CDCA7L: variants seen among roughly 807,000 people sequenced by gnomAD.
CDCA7L encodes the protein cell division cycle-associated 7-like protein.
In CDCA7L, 44 loss-of-function variants were observed where a neutral mutation model predicts 57.4. The observed-to-expected ratio is 0.77, with a 90% CI of 0.60 to 0.98. The LOEUF (loss-of-function observed/expected upper bound fraction) is 0.98, where lower values mean the gene tolerates loss of function less well. CDCA7L is among the 50% of genes least tolerant of loss of function. CDCA7L has a pLI of 0.00. For synonymous variants in CDCA7L, 236 were observed against 202.8 expected, an observed-to-expected ratio of 1.16 and a Z score of -1.39; for missense variants, 644 against 580.6, an observed-to-expected ratio of 1.11 and a Z score of -1.12.
intron 6 of CDCA7L, 66 bp downstream of exon 6, chr7:21,906,223 G>A (rs926134535): frequency 3.9e-5 from 57 of 1,467,306 alleles, no homozygotes; most frequent in East Asian, 9.2e-5. Context: ...TGACAGTGAC[G>A]TGCGTTCACG....
At chr7:21,942,201 T>C (rs1786361869) in intron 1 of CDCA7L, among the ~76,000 whole-genome samples, 2 of 152,228 alleles carry the variant, frequency 1.3e-5, no homozygotes, top group Admixed American at 1.3e-4. Flanking sequence ...AACGATTTAT[T>C]TGAACTAAAG....
At chr7:21,940,381 C>T in intron 1 of CDCA7L, 3 of 798,624 alleles carry the variant, frequency 3.8e-6, no homozygotes, top group Non-Finnish European at 4.6e-6. Flanking sequence ...TACTACTTTG[C>T]CCTTCCATCC....
chr7:21,904,962 T>G (rs1785091260), intron 7 of CDCA7L, among the ~76,000 whole-genome samples: 1 of 152,240 alleles, frequency 6.6e-6, no homozygotes, highest in Non-Finnish European at 1.5e-5. Flanking sequence ...GGCCCCAGCC[T>G]AGCTCTGCAG....
chr7:21,929,631 CAAAAAA>C lies in CDCA7L; in HGVS notation c.25-12743_25-12738del, dbSNP rs57283961. ...GGAATATTATCCAGCAAATGGAAAG[CAAAAAA>C]AAAAAAAAAAAAAAAAAAAGCAGGG... On this transcript the variant is annotated intron_variant, in intron 1 of 9. Transcript: ENST00000406877. 9.3e-3 allele frequency among the ~76,000 whole-genome samples: 332 copies of C among 35,534 alleles called. 3 individuals are homozygous for C. Among genetic ancestry groups the C allele is most frequent in the East Asian group, 0.074 (87 of 1,168 alleles). 23.3% of individuals were successfully genotyped at this position (35,534 alleles called of 152,430 possible).
rs1784777264 is a variant in CDCA7L at position 21,900,901 on chromosome 7, T to C, written c.*1421A>G. 10 of 1,474,954 alleles carry C rather than the reference T, an allele frequency of 6.8e-6. No homozygotes were observed. The highest frequency in any genetic ancestry group is 9.0e-6 in the Non-Finnish European group (10 of 1,112,682). The allele number at this position is 1,474,954 out of a possible 1,614,324, so 91.4% of individuals were successfully genotyped here. A position where few individuals can be genotyped will look rare whatever the true frequency, so the allele number is the denominator to read the frequency against. On this transcript the variant is annotated 3_prime_UTR_variant, in exon 10 of 10. Transcript: ENST00000406877. The stretch of plus-strand genomic sequence containing the variant: ...AAAATACCACTGACAAGCAAAAATA[T>C]GACAAAACCAGAATGTTGAATGTTT...
chr7:21,902,888 CGGGAAGGCAA>C, intron 9 of CDCA7L, 80 bp downstream of exon 9: 1 of 1,251,170 alleles, frequency 8.0e-7, no homozygotes, highest in South Asian at 1.4e-5. Context: ...GTAAGTCACA[CGGGAAGGCAA>C]CAACTACTTG....
Position 21,914,566 on chromosome 7 carries a change from TGGGCAGAAA to T in CDCA7L, c.165+2179_165+2187del, listed in dbSNP as rs372552007. Among the ~76,000 whole-genome samples the T allele has an allele frequency of 2.3e-3, 353 of 152,242 alleles. 1 individual carries two copies. The highest frequency in any genetic ancestry group is 7.9e-3 in the African/African-American group (328 of 41,534). ...GATAGGCAGGAACAGCATGGACCAG[TGGGCAGAAA>T]GGGCAGAACAGTGGATAATGAGAGT... is the stretch of plus-strand genomic sequence containing the variant. On this transcript the variant is annotated intron_variant, in intron 2 of 9. Transcript: ENST00000406877.
intron 1 of CDCA7L, among the ~76,000 whole-genome samples, chr7:21,938,305 A>T (rs1303155758): frequency 6.6e-6 from 1 of 152,208 alleles, no homozygotes; most frequent in Admixed American, 6.5e-5. Context: ...AATTCTTAAC[A>T]TCACTAATCA....
At chr7:21,932,860 C>T (rs1410532792) in intron 1 of CDCA7L, among the ~76,000 whole-genome samples, 1 of 151,760 alleles carries the variant, frequency 6.6e-6, no homozygotes, top group East Asian at 1.9e-4. Context: ...TCAGAGTGAA[C>T]AGGCAACTTA....
chr7:21,911,493 G>T, intron 3 of CDCA7L, 124 bp downstream of exon 3: 1 of 1,217,540 alleles, frequency 8.2e-7, no homozygotes, highest in Non-Finnish European at 1.1e-6. Context: ...TATGTTAATT[G>T]CTTGTAAGAT....
At chr7:21,913,918 G>A (rs1785405487) in intron 2 of CDCA7L, among the ~76,000 whole-genome samples, 1 of 152,186 alleles carries the variant, frequency 6.6e-6, no homozygotes. Context: ...GGGTCTGTAT[G>A]ATGCCAATCT....
intron 1 of CDCA7L, among the ~76,000 whole-genome samples, chr7:21,939,543 T>G (rs1216510386): frequency 6.6e-6 from 1 of 152,154 alleles, no homozygotes; most frequent in African/African-American, 2.4e-5. Flanking sequence ...TGAAGTAATT[T>G]CCTCCTCCAG....
intron 1 of CDCA7L, among the ~76,000 whole-genome samples, chr7:21,936,060 G>A (rs541904421): frequency 7.6e-4 from 116 of 152,066 alleles, no homozygotes; most frequent in Middle Eastern, 3.4e-3. Context: ...ATAAACAACC[G>A]TATGCCAACA....
chr7:21,944,276 TAAAA>T (rs34883298), intron 1 of CDCA7L, among the ~76,000 whole-genome samples: 1 of 135,360 alleles, frequency 7.4e-6, no homozygotes, highest in Non-Finnish European at 1.6e-5. Flanking sequence ...CTGTCTCTAC[TAAAA>T]AAAAAAAAAA....
Position 21,901,028 on chromosome 7 carries a change from C to T in CDCA7L, c.*1294G>A, listed in dbSNP as rs576958149. 3 of 1,608,760 alleles carry T rather than the reference C, an allele frequency of 1.9e-6. No individual in the cohort carries two copies. The highest frequency in any genetic ancestry group is 2.7e-5 in the African/African-American group (2 of 74,878). ...ATAGGCGCCCGCTGGGACACCCAAG[C>T]AGGAACCATTGTTGAAGCCCGTCTC... On this transcript the variant is annotated 3_prime_UTR_variant, in exon 10 of 10. Transcript: ENST00000406877.
Position 21,911,772 on chromosome 7 carries a change from A to C in CDCA7L, c.166-18T>G. On this transcript the variant is annotated intron_variant, in intron 2 of 9. Transcript: ENST00000406877. Reference sequence around the variant, plus strand: ...ACATCCTGCTAAATTAAAGACACACATACATCAGAGACGGAAAGTAGAATA... The same window carrying C: ...ACATCCTGCTAAATTAAAGACACACCTACATCAGAGACGGAAAGTAGAATA... The C allele has an allele frequency of 6.2e-7, 1 of 1,609,022 alleles. No homozygotes were observed. Among genetic ancestry groups the C allele is most frequent in the Admixed American group, 1.7e-5 (1 of 59,084 alleles).
In CDCA7L at chr7:21,902,086, AC is replaced by A; in HGVS notation, c.*235del. ...TTTTAATAACTGGCAGATATTTTTA[AC>A]AAAGTTCAGCATACAGACAGGTCTG... On this transcript the variant is annotated 3_prime_UTR_variant, in exon 10 of 10. Transcript: ENST00000406877. 3.9e-6 allele frequency: 2 copies of A among 516,130 alleles called. No individual in the cohort carries two copies. The highest frequency in any genetic ancestry group is 3.5e-6 in the Non-Finnish European group (1 of 287,700). 32.0% of individuals were successfully genotyped at this position (516,130 alleles called of 1,614,324 possible).
At chr7:21,902,424 C>CCACAATCATCTAAGAGTACA (rs1554294875) in intron 9 of CDCA7L, 72 bp from the exon 10 acceptor site, 2 of 1,407,920 alleles carry the variant, frequency 1.4e-6, no homozygotes, top group African/African-American at 2.8e-5. Flanking sequence ...TTGAGAGATT[C>CCACAATCATCTAAGAGTACA]CACAATCATC....
At chr7:21,943,225 C>A (rs376274249) in intron 1 of CDCA7L, among the ~76,000 whole-genome samples, 1 of 152,204 alleles carries the variant, frequency 6.6e-6, no homozygotes, top group South Asian at 2.1e-4. Context: ...CTGGGGGAAG[C>A]GTAATCACTG....
Sources: gnomAD v4.1 joint callset for allele counts (sites outside exome capture counted in the v4.1 genomes callset) on GRCh38, gnomAD v4.1.1 for gene constraint, MANE v1.5 for transcripts, NCBI Gene and HGNC (gene_info 2026-07-23, HGNC 2026-07-21) for gene names.